PNPLA2: variants seen among roughly 807,000 people sequenced by gnomAD.
The protein encoded by PNPLA2 is patatin-like phospholipase domain-containing protein 2.
In PNPLA2, 28 loss-of-function variants were observed where a neutral mutation model predicts 39.7. The ratio of observed to expected loss-of-function variants is 0.70; its 90% CI spans 0.52 to 0.97. The LOEUF is 0.97. PNPLA2 is among the 50% of genes least tolerant of loss of function. The pLI is 0.00. For missense variants in PNPLA2, 768 were observed against 698.2 expected, an observed-to-expected ratio of 1.10 and a Z score of -1.13; for synonymous variants, 392 against 321.1, an observed-to-expected ratio of 1.22 and a Z score of -2.36.
At position 824,801 on chromosome 11, in the gene PNPLA2, C is replaced by T. The variant is rs1231847512; in HGVS notation, c.1454C>T (p.Ala485Val). Residue 485 changes from alanine to valine, a missense_variant, in exon 10 of 10, where the codon GCC becomes GTC. Ala to Val is a moderately conservative substitution (Grantham distance 64). Coordinates refer to ENST00000336615, the MANE Select transcript of PNPLA2 (RefSeq NM_020376.4). The stretch of plus-strand genomic sequence containing the variant: ...CCGCAGCACCAGCTGGCCGGGCCTG[C>T]CCCCTTGCTGAGCACCCCTGCTCCC... ...ASPQHQLAGP[A>V]PLLSTPAPEA... The T allele has an allele frequency of 2.0e-6, 3 of 1,533,526 alleles. No homozygotes were observed. The highest frequency in any genetic ancestry group is 2.7e-5 in the African/African-American group (2 of 72,930). The allele number at this position is 1,533,526 out of a possible 1,614,324, so 95.0% of individuals were successfully genotyped here.
chr11:824,277 G>A (rs1253297306), intron 8 of PNPLA2, 37 bp from the exon 9 acceptor site: 1 of 1,549,542 alleles, frequency 6.5e-7, no homozygotes, highest in Non-Finnish European at 8.7e-7. Context: ...TGTGGGTCTG[G>A]CCAAGTCCCT....
chr11:823,737 C>G lies in PNPLA2; in HGVS notation c.801C>G (p.Ala267=). Residue 267 remains alanine, a synonymous_variant, in exon 7 of 10, where the codon GCC becomes GCG. Transcript: ENST00000336615. ...ACCCCTTGCTGGCGTTGCCCCCCGCCCGCCCCCACGGCCCAGAGGACAAGG... is the reference window on the plus strand; with the variant it reads ...ACCCCTTGCTGGCGTTGCCCCCCGCGCGCCCCCACGGCCCAGAGGACAAGG... ...RPNPLLALPP[A]RPHGPEDKDQ... The G allele has an allele frequency of 6.2e-7, 1 of 1,606,672 alleles. No homozygotes were observed. Among genetic ancestry groups the G allele is most frequent in the Non-Finnish European group, 8.5e-7 (1 of 1,176,658 alleles).
rs772495483 is a variant in PNPLA2 at position 824,149 on chromosome 11, C to T, written c.1052+19C>T. 9 of 1,583,590 alleles carry T rather than the reference C, an allele frequency of 5.7e-6. No homozygotes were observed. In the South Asian group the frequency reaches 8.0e-5, roughly 14 times the overall value. On this transcript the variant is annotated intron_variant, in intron 8 of 9. Coordinates refer to ENST00000336615, the MANE Select transcript of PNPLA2 (RefSeq NM_020376.4). ...CCATCCGGTGTGAGGGCTGGGGGGTCGGGAGAGGGGCCCAGGGGACGGACT... is the reference window on the plus strand; with the variant it reads ...CCATCCGGTGTGAGGGCTGGGGGGTTGGGAGAGGGGCCCAGGGGACGGACT...
At position 824,686 on chromosome 11, in the gene PNPLA2, C is replaced by T. The variant is rs769822451; in HGVS notation, c.1339C>T (p.Leu447Phe). Residue 447 changes from leucine to phenylalanine, a missense_variant, in exon 10 of 10, where the codon CTC (leucine) becomes TTC (phenylalanine). Coordinates refer to ENST00000336615, the MANE Select transcript of PNPLA2 (RefSeq NM_020376.4). ...GTGCCAGCGCCAGCTGCTGCTCGGCCTCTTCTGCACCAACGTGGCCTTCCC... is the reference window on the plus strand; with the variant it reads ...GTGCCAGCGCCAGCTGCTGCTCGGCTTCTTCTGCACCAACGTGGCCTTCCC... ...EECQRQLLLG[L>F]FCTNVAFPPE... 4.3e-5 allele frequency: 68 copies of T among 1,596,162 alleles called. No individual in the cohort carries two copies. In the South Asian group the frequency reaches 7.2e-4, roughly 17 times the overall value.
At chr11:820,415 C>T (rs1467411270) in intron 2 of PNPLA2, among the ~76,000 whole-genome samples, 2 of 152,226 alleles carry the variant, frequency 1.3e-5, no homozygotes, top group African/African-American at 4.8e-5. Flanking sequence ...CAGGGCTGGG[C>T]GCGAAGGGGC....
rs1344983619 is a variant in PNPLA2, at chr11:824,775, C to T, written c.1428C>T (p.Ser476=). ...CTCCCGCCCCCGCGGACCCAGCATC[C>T]CCGCAGCACCAGCTGGCCGGGCCTG... The part of the protein sequence containing the change: ...DPAPAPADPA[S]PQHQLAGPAP... The change falls in exon 10 of 10, where the codon TCC becomes TCT. Residue 476 remains serine, a synonymous_variant. Coordinates refer to ENST00000336615, the MANE Select transcript of PNPLA2 (RefSeq NM_020376.4). 3.2e-6 allele frequency: 5 copies of T among 1,542,426 alleles called. No individual in the cohort carries two copies. In the South Asian group the frequency reaches 4.7e-5, roughly 15 times the overall value.
chr11:824,478 A>G (rs1306817002), intron 9 of PNPLA2, 42 bp downstream of exon 9: 22 of 1,545,976 alleles, frequency 1.4e-5, no homozygotes, highest in Non-Finnish European at 1.8e-5. Context: ...CCGCGGTGCT[A>G]GCGCCGGGAG....
At chr11:824,257 CG>C in intron 8 of PNPLA2, 56 bp from the exon 9 acceptor site, 1 of 1,548,472 alleles carries the variant, frequency 6.5e-7, no homozygotes, top group Non-Finnish European at 8.7e-7. Context: ...CAGGGCCCGG[CG>C]GGTGGGCATG....
At chr11:819,052 G>A (rs927445020) in intron 1 of PNPLA2, 94 bp downstream of exon 1, 1 of 152,496 alleles carries the variant, frequency 6.6e-6, no homozygotes, top group Non-Finnish European at 1.5e-5. Flanking sequence ...GGTCCCCCAC[G>A]AAGGGTTTGC....
chr11:821,706 AC>A lies in PNPLA2; in HGVS notation c.268del (p.Leu90TrpfsTer2). ...CTGGGCCCCCTGCACCCCTCCTTCA[AC>A]CTGGTAAAGATCATCCGCAGTTTCC... The part of the protein sequence containing the change: ...RFLGPLHPSF[N>X]LVKIIRSFLL... On this transcript the variant is annotated frameshift_variant, in exon 3 of 10. Coordinates refer to ENST00000336615, the MANE Select transcript of PNPLA2 (RefSeq NM_020376.4). LOFTEE classifies it high-confidence loss of function. 6.2e-7 allele frequency: 1 copy of A among 1,613,914 alleles called. No homozygotes were observed. The highest frequency in any genetic ancestry group is 8.5e-7 in the Non-Finnish European group (1 of 1,180,002).
chr11:819,860 G>A lies in PNPLA2; in HGVS notation c.142G>A (p.Ala48Thr). The A allele has an allele frequency of 1.4e-6, 2 of 1,462,726 alleles. No individual in the cohort carries two copies. The highest frequency in any genetic ancestry group is 1.8e-6 in the Non-Finnish European group (2 of 1,107,068). 90.6% of individuals were successfully genotyped at this position (1,462,726 alleles called of 1,614,324 possible). A position where few individuals can be genotyped will look rare whatever the true frequency, so the allele number is the denominator to read the frequency against. Residue 48 changes from alanine (A) to threonine (T), a missense_variant, in exon 2 of 10, where the codon GCC (alanine) becomes ACC (threonine). Coordinates refer to ENST00000336615, the MANE Select transcript of PNPLA2 (RefSeq NM_020376.4). ...ANATHIYGAS[A>T]GALTATALVT... is the part of the protein sequence containing the mutation. ...CGCCACGCACATCTACGGCGCCTCG[G>A]CCGGGGCGCTCACGGCCACGGCGCT...
Position 824,060 on chromosome 11 carries a change from G to T in PNPLA2, c.982G>T (p.Val328Leu), listed in dbSNP as rs776756549. Residue 328 changes from valine (V) to leucine (L), a missense_variant, in exon 8 of 10, where the codon GTG becomes TTG. By Grantham distance (32) the Val-to-Leu change is conservative. Coordinates refer to ENST00000336615, the MANE Select transcript of PNPLA2 (RefSeq NM_020376.4). Reference sequence around the variant, plus strand: ...GACCACCCTCTCCAACATGCTGCCTGTGCGTCTGGCCACGGCCATGATGGT... The same window carrying T: ...GACCACCCTCTCCAACATGCTGCCTTTGCGTCTGGCCACGGCCATGATGGT... ...LLTTLSNMLPVRLATAMMVPY... is the reference protein window; with the variant it reads ...LLTTLSNMLPLRLATAMMVPY... The T allele has an allele frequency of 3.7e-6, 6 of 1,610,072 alleles. No individual in the cohort carries two copies. The highest frequency in any genetic ancestry group is 1.6e-4 in the Middle Eastern group (1 of 6,078).
In PNPLA2 at chr11:821,991, T is replaced by A; in HGVS notation, c.454T>A (p.Cys152Ser). 3 of 1,613,884 alleles carry A rather than the reference T, an allele frequency of 1.9e-6. No homozygotes were observed. Among genetic ancestry groups the A allele is most frequent in the Non-Finnish European group, 2.5e-6 (3 of 1,179,984 alleles). Reference sequence around the variant, plus strand: ...CTGCAGCGGTTTCATCCCCGTGTACTGTGGGCTCATCCCTCCCTCCCTCCA... The same window carrying A: ...CTGCAGCGGTTTCATCCCCGTGTACAGTGGGCTCATCCCTCCCTCCCTCCA... ...NVCSGFIPVYCGLIPPSLQGV... is the reference protein window; with the variant it reads ...NVCSGFIPVYSGLIPPSLQGV... Residue 152 changes from cysteine (C) to serine (S), a missense_variant, in exon 4 of 10, where the codon TGT becomes AGT. Physicochemically the swap from Cys to Ser is moderately radical, Grantham distance 112. Transcript: ENST00000336615.
At chr11:823,494 T>C (rs1305924143) in intron 5 of PNPLA2, 33 bp from the exon 6 acceptor site, 5 of 1,583,558 alleles carry the variant, frequency 3.2e-6, no homozygotes, top group Non-Finnish European at 4.3e-6. Context: ...CATCCCTGGC[T>C]CCCTCCGCTC....
In PNPLA2 at chr11:824,588, C is replaced by T; in HGVS notation, c.1241C>T (p.Ala414Val). 1 of 1,584,810 alleles carries T rather than the reference C, an allele frequency of 6.3e-7. No homozygotes were observed. The highest frequency in any genetic ancestry group is 1.7e-4 in the Middle Eastern group (1 of 5,902). The part of the protein sequence containing the change: ...SLPSVPLSCA[A>V]YREALPGWMR... ...CCGTCCGTGCCGCTGTCCTGCGCCGCCTACAGAGAGGCACTGCCCGGCTGG... is the reference window on the plus strand; with the variant it reads ...CCGTCCGTGCCGCTGTCCTGCGCCGTCTACAGAGAGGCACTGCCCGGCTGG... The change falls in exon 10 of 10, where the codon GCC (alanine) becomes GTC (valine). Residue 414 changes from alanine to valine, a missense_variant. Coordinates refer to ENST00000336615, the MANE Select transcript of PNPLA2 (RefSeq NM_020376.4).
intron 5 of PNPLA2, 118 bp from the exon 6 acceptor site, chr11:823,408 GT>G: frequency 2.3e-6 from 2 of 888,648 alleles, no homozygotes; most frequent in Non-Finnish European, 3.7e-6. Context: ...TCTAGGATAG[GT>G]TTTGGGGTTG....
rs145999340 is a variant in PNPLA2, at chr11:821,778, G to T, written c.338G>T (p.Arg113Leu). 1.2e-6 allele frequency: 2 copies of T among 1,613,940 alleles called. No homozygotes were observed. Among genetic ancestry groups the T allele is most frequent in the Non-Finnish European group, 1.7e-6 (2 of 1,180,008 alleles). ...GATAGCCATGAGCATGCCAGTGGGC[G>T]CCTGGGCATCTCCCTGACCCGCGTG... ...PADSHEHASG[R>L]LGISLTRVSD... Residue 113 changes from arginine (R) to leucine (L), a missense_variant, in exon 3 of 10, where the codon CGC (arginine) becomes CTC (leucine). Arg to Leu is a moderately radical substitution (Grantham distance 102). Transcript: ENST00000336615.
At position 824,756 on chromosome 11, in the gene PNPLA2, C is replaced by CCCCCGCGGACCCAGCAT. The variant is rs1565091798; in HGVS notation, c.1416_1432dup (p.Gln478ArgfsTer17). 5.1e-6 allele frequency: 8 copies of CCCCCGCGGACCCAGCAT among 1,558,444 alleles called. No individual in the cohort carries two copies. Among genetic ancestry groups the CCCCCGCGGACCCAGCAT allele is most frequent in the East Asian group, 2.4e-5 (1 of 42,448 alleles). ...CGCGCACCCGCCGACCCGGCTCCCG[C>CCCCCGCGGACCCAGCAT]CCCCGCGGACCCAGCATCCCCGCAG... On this transcript the variant is annotated frameshift_variant, in exon 10 of 10. Transcript: ENST00000336615. LOFTEE classifies it low-confidence loss of function (END_TRUNC).
Position 824,586 on chromosome 11 carries a change from C to A in PNPLA2, c.1239C>A (p.Ala413=). The change falls in exon 10 of 10, where the codon GCC becomes GCA. Residue 413 remains alanine (A), a synonymous_variant. Transcript: ENST00000336615. ...QSLPSVPLSC[A]AYREALPGWM... is the part of the protein sequence containing the mutation. ...TGCCGTCCGTGCCGCTGTCCTGCGC[C>A]GCCTACAGAGAGGCACTGCCCGGCT... is the stretch of plus-strand genomic sequence containing the variant. The A allele has an allele frequency of 1.3e-6, 2 of 1,582,924 alleles. No individual in the cohort carries two copies. The highest frequency in any genetic ancestry group is 1.7e-6 in the Non-Finnish European group (2 of 1,169,434).
Sources: gnomAD v4.1 joint callset for allele counts (sites outside exome capture counted in the v4.1 genomes callset) on GRCh38, gnomAD v4.1.1 for gene constraint, MANE v1.5 for transcripts, NCBI Gene and HGNC (gene_info 2026-07-23, HGNC 2026-07-21) for gene names.